Variants in OR5D18 observed in about 807,000 individuals in gnomAD.
OR5D18 encodes olfactory receptor 5D18.
For synonymous variants in OR5D18, 158 were observed against 152.5 expected, an observed-to-expected ratio of 1.04 and a Z score of -0.27; for missense variants, 394 against 367.3, an observed-to-expected ratio of 1.07 and a Z score of -0.59.
At position 55,819,880 on chromosome 11, in the gene OR5D18, T is replaced by A. The variant is rs1035988441; in HGVS notation, c.251T>A (p.Val84Glu). The change falls in exon 1 of 1, where the codon GTG becomes GAG. Residue 84 changes from valine to glutamate, a missense_variant. Val to Glu is a moderately radical substitution (Grantham distance 121, BLOSUM62 -2). Coordinates refer to ENST00000333976, the MANE Select transcript of OR5D18 (RefSeq NM_001001952.1). ...YSSIIAPKML[V>E]NLVVKDRTIS... ...TCCATCATTGCTCCCAAGATGTTGGTGAACCTTGTTGTCAAAGACAGAACC... is the reference window on the plus strand; with the variant it reads ...TCCATCATTGCTCCCAAGATGTTGGAGAACCTTGTTGTCAAAGACAGAACC... The A allele has an allele frequency of 6.2e-7, 1 of 1,614,024 alleles. No homozygotes were observed. The highest frequency in any genetic ancestry group is 8.5e-7 in the Non-Finnish European group (1 of 1,179,954).
rs369903589 is a variant in OR5D18, at chr11:55,820,390, G to C, written c.761G>C (p.Gly254Ala). 1.2e-6 allele frequency: 2 copies of C among 1,613,632 alleles called. No individual in the cohort carries two copies. The highest frequency in any genetic ancestry group is 4.5e-5 in the East Asian group (2 of 44,856). ...SHLTAITIFH[G>A]TILFLYCVPN... ...CTGACTGCCATCACCATCTTCCATG[G>C]CACCATCCTCTTCCTTTACTGTGTG... Residue 254 changes from glycine to alanine, a missense_variant, in exon 1 of 1, where the codon GGC (glycine) becomes GCC (alanine). By Grantham distance (60) the Gly-to-Ala change is moderately conservative. Transcript: ENST00000333976.
Position 55,819,830 on chromosome 11 carries a change from C to A in OR5D18, c.201C>A (p.Leu67=), listed in dbSNP as rs1412780648. 1 of 1,613,848 alleles carries A rather than the reference C, an allele frequency of 6.2e-7. No individual in the cohort carries two copies. The highest frequency in any genetic ancestry group is 8.5e-7 in the Non-Finnish European group (1 of 1,179,950). The change falls in exon 1 of 1, where the codon CTC becomes CTA. Residue 67 remains leucine (L), a synonymous_variant. Transcript: ENST00000333976. ...CCATGTACTTTTTCCTCAGCCAACT[C>A]TCCTTTGTGGATTTCTGCTATTCCT... ...HTPMYFFLSQ[L]SFVDFCYSSI... is the part of the protein sequence containing the mutation.
At position 55,819,808 on chromosome 11, in the gene OR5D18, T is replaced by G; in HGVS notation, c.179T>G (p.Met60Arg). The change falls in exon 1 of 1, where the codon ATG (methionine) becomes AGG (arginine). Residue 60 changes from methionine (M) to arginine (R), a missense_variant. Physicochemically the swap from Met to Arg is moderately conservative, Grantham distance 91. Transcript: ENST00000333976. ...ATCAACCCCAAACTGCATACCCCCA[T>G]GTACTTTTTCCTCAGCCAACTCTCC... The part of the protein sequence containing the change: ...IKINPKLHTP[M>R]YFFLSQLSFV... 2 of 1,613,976 alleles carry G rather than the reference T, an allele frequency of 1.2e-6. No homozygotes were observed. Among genetic ancestry groups the G allele is most frequent in the Non-Finnish European group, 1.7e-6 (2 of 1,179,976 alleles).
Position 55,819,883 on chromosome 11 carries a change from A to G in OR5D18, c.254A>G (p.Asn85Ser). Reference protein sequence around the residue: ...SSIIAPKMLVNLVVKDRTISF... With the variant: ...SSIIAPKMLVSLVVKDRTISF... ...ATCATTGCTCCCAAGATGTTGGTGA[A>G]CCTTGTTGTCAAAGACAGAACCATT... The change falls in exon 1 of 1, where the codon AAC (asparagine) becomes AGC (serine). Residue 85 changes from asparagine to serine, a missense_variant. By Grantham distance (46) the Asn-to-Ser change is conservative. Transcript: ENST00000333976. 1 of 1,614,020 alleles carries G rather than the reference A, an allele frequency of 6.2e-7. No individual in the cohort carries two copies.
In OR5D18 at chr11:55,820,557, G is replaced by T; in HGVS notation, c.928G>T (p.Val310Phe). The part of the protein sequence containing the change: ...DTVTEILDTK[V>F]FSY The stretch of plus-strand genomic sequence containing the variant: ...AGTCACCGAGATACTGGACACCAAA[G>T]TCTTCTCTTACTGAGCCTGTTACTT... The change falls in exon 1 of 1, where the codon GTC becomes TTC. Residue 310 changes from valine (V) to phenylalanine (F), a missense_variant. Val to Phe is a conservative substitution (Grantham distance 50). Coordinates refer to ENST00000333976, the MANE Select transcript of OR5D18 (RefSeq NM_001001952.1). 1.2e-6 allele frequency: 2 copies of T among 1,605,930 alleles called. No individual in the cohort carries two copies. Among genetic ancestry groups the T allele is most frequent in the Non-Finnish European group, 8.5e-7 (1 of 1,178,204 alleles).
At position 55,819,968 on chromosome 11, in the gene OR5D18, C is replaced by T. The variant is rs533831141; in HGVS notation, c.339C>T (p.Ser113=). 3 of 1,613,870 alleles carry T rather than the reference C, an allele frequency of 1.9e-6. No homozygotes were observed. The highest frequency in any genetic ancestry group is 2.5e-6 in the Non-Finnish European group (3 of 1,179,974). The change falls in exon 1 of 1, where the codon TCC becomes TCT. Residue 113 remains serine, a synonymous_variant. Coordinates refer to ENST00000333976, the MANE Select transcript of OR5D18 (RefSeq NM_001001952.1). ...TCTGTACCTTTGTGGTCACTGAATC[C>T]TTTTTATTAGCTGTGATGGCCTATG... The part of the protein sequence containing the change: ...FFFCTFVVTE[S]FLLAVMAYDR...
Position 55,820,131 on chromosome 11 carries a change from T to TG in OR5D18, c.503dup (p.Cys168TrpfsTer14). 1 of 1,613,904 alleles carries TG rather than the reference T, an allele frequency of 6.2e-7. No individual in the cohort carries two copies. The highest frequency in any genetic ancestry group is 8.5e-7 in the Non-Finnish European group (1 of 1,180,012). On this transcript the variant is annotated frameshift_variant, in exon 1 of 1. Coordinates refer to ENST00000333976, the MANE Select transcript of OR5D18 (RefSeq NM_001001952.1). LOFTEE classifies it low-confidence loss of function (END_TRUNC). The stretch of plus-strand genomic sequence containing the variant: ...ACTGACGTGCTCTGCTTTAAAGTTA[T>TG]GTTTTCATGGTTTCAACACAATCAA...
In OR5D18 at chr11:55,820,073, A is replaced by T. The variant is rs376534739; in HGVS notation, c.444A>T (p.Gly148=). 6.2e-7 allele frequency: 1 copy of T among 1,613,830 alleles called. No homozygotes were observed. Reference sequence around the variant, plus strand: ...AACTCTGCGTGCTGCTGGTTGTGGGATCCTATGCCTGGGGAGTCTCATGTT... The same window carrying T: ...AACTCTGCGTGCTGCTGGTTGTGGGTTCCTATGCCTGGGGAGTCTCATGTT... ...SQKLCVLLVV[G]SYAWGVSCSL... is the part of the protein sequence containing the mutation. Residue 148 remains glycine, a synonymous_variant, in exon 1 of 1, where the codon GGA becomes GGT. Coordinates refer to ENST00000333976, the MANE Select transcript of OR5D18 (RefSeq NM_001001952.1).
rs1853806768 is a variant in OR5D18 at position 55,819,790 on chromosome 11, C to T, written c.161C>T (p.Pro54Leu). Residue 54 changes from proline (P) to leucine (L), a missense_variant, in exon 1 of 1, where the codon CCC becomes CTC. Pro to Leu is a moderately conservative substitution (Grantham distance 98, BLOSUM62 -3). Coordinates refer to ENST00000333976, the MANE Select transcript of OR5D18 (RefSeq NM_001001952.1). ...TTGATTGTGATCATCAAAATCAACC[C>T]CAAACTGCATACCCCCATGTACTTT... ...IGLIVIIKIN[P>L]KLHTPMYFFL... 6.2e-7 allele frequency: 1 copy of T among 1,613,802 alleles called. No homozygotes were observed. The highest frequency in any genetic ancestry group is 1.7e-5 in the Admixed American group (1 of 59,996).
In OR5D18 at chr11:55,820,523, C is replaced by G; in HGVS notation, c.894C>G (p.Val298=). Residue 298 remains valine, a synonymous_variant, in exon 1 of 1, where the codon GTC becomes GTG. Transcript: ENST00000333976. ...PLIYSLRNKD[V]KDTVTEILDT... is the part of the protein sequence containing the mutation. ...TCTACAGTCTGAGAAATAAAGATGT[C>G]AAGGATACAGTCACCGAGATACTGG... The G allele has an allele frequency of 6.2e-7, 1 of 1,613,012 alleles. No homozygotes were observed.
rs297082 is a variant in OR5D18, at chr11:55,819,641, T to A, written c.12T>A (p.Thr4=). 1 allele frequency: 1,578,479 copies of A among 1,579,486 alleles called. 788,753 individuals are homozygous for A. The highest frequency in any genetic ancestry group is 1 in the East Asian group (44,462 of 44,462). MLL[T]DRNTSGTTFT... is the part of the protein sequence containing the mutation. ...AAGAAACAGAAGCGATGCTGCTGAC[T>A]GATAGAAATACAAGTGGGACCACGT... The change falls in exon 1 of 1, where the codon ACT becomes ACA. Residue 4 remains threonine (T), a synonymous_variant. Transcript: ENST00000333976.
rs1289890201 is a variant in OR5D18, at chr11:55,819,783, A to G, written c.154A>G (p.Ile52Val). 1 of 1,613,814 alleles carries G rather than the reference A, an allele frequency of 6.2e-7. No individual in the cohort carries two copies. The highest frequency in any genetic ancestry group is 1.3e-5 in the African/African-American group (1 of 74,708). The stretch of plus-strand genomic sequence containing the variant: ...TATTGGGTTGATTGTGATCATCAAA[A>G]TCAACCCCAAACTGCATACCCCCAT... ...GNIGLIVIIK[I>V]NPKLHTPMYF... The change falls in exon 1 of 1, where the codon ATC becomes GTC. Residue 52 changes from isoleucine (I) to valine (V), a missense_variant. By Grantham distance (29) the Ile-to-Val change is conservative. Coordinates refer to ENST00000333976, the MANE Select transcript of OR5D18 (RefSeq NM_001001952.1).
Position 55,819,736 on chromosome 11 carries a change from A to G in OR5D18, c.107A>G (p.Tyr36Cys), listed in dbSNP as rs7948629. The G allele has an allele frequency of 0.057, 91,511 of 1,613,536 alleles. 3,000 individuals carry two copies. The highest frequency in any genetic ancestry group is 0.064 in the Non-Finnish European group (75,769 of 1,179,644). The change falls in exon 1 of 1, where the codon TAC (tyrosine) becomes TGC (cysteine). Residue 36 changes from tyrosine (Y) to cysteine (C), a missense_variant. By Grantham distance (194) the Tyr-to-Cys change is radical. Transcript: ENST00000333976. ...VPLFLVFLAIYNVTVLGNIGL... is the reference protein window; with the variant it reads ...VPLFLVFLAICNVTVLGNIGL... The stretch of plus-strand genomic sequence containing the variant: ...CTCTTCCTGGTTTTTCTGGCCATCT[A>G]CAATGTCACTGTGCTAGGGAATATT...
In OR5D18 at chr11:55,820,342, C is replaced by A. The variant is rs1488994502; in HGVS notation, c.713C>A (p.Ala238Asp). 1 of 1,613,890 alleles carries A rather than the reference C, an allele frequency of 6.2e-7. No homozygotes were observed. Among genetic ancestry groups the A allele is most frequent in the Admixed American group, 1.7e-5 (1 of 60,014 alleles). The change falls in exon 1 of 1, where the codon GCC becomes GAC. Residue 238 changes from alanine to aspartate, a missense_variant. Physicochemically the swap from Ala to Asp is moderately radical, Grantham distance 126 (BLOSUM62 -2). Coordinates refer to ENST00000333976, the MANE Select transcript of OR5D18 (RefSeq NM_001001952.1). ...CGTTCAGTCAGTGGGCGCCGCAAAG[C>A]CTTCTCCACCTGTGCCTCCCACCTG... The part of the protein sequence containing the change: ...KMRSVSGRRK[A>D]FSTCASHLTA...
chr11:55,820,472 G>A lies in OR5D18; in HGVS notation c.843G>A (p.Val281=), dbSNP rs763100806. 52 of 1,613,478 alleles carry A rather than the reference G, an allele frequency of 3.2e-5. No individual in the cohort carries two copies. Among genetic ancestry groups the A allele is most frequent in the Admixed American group, 8.3e-5 (5 of 59,944 alleles). Reference sequence around the variant, plus strand: ...AAGTGGCCTCTGTGTTTTACACCGTGGTGATCCCCATGTTGAATCCCCTGA... The same window carrying A: ...AAGTGGCCTCTGTGTTTTACACCGTAGTGATCCCCATGTTGAATCCCCTGA... ...TVKVASVFYT[V]VIPMLNPLIY... The change falls in exon 1 of 1, where the codon GTG becomes GTA. Residue 281 remains valine, a synonymous_variant. Transcript: ENST00000333976.
chr11:55,820,304 C>T lies in OR5D18; in HGVS notation c.675C>T (p.Thr225=). 2 of 1,613,804 alleles carry T rather than the reference C, an allele frequency of 1.2e-6. No homozygotes were observed. The change falls in exon 1 of 1, where the codon ACC becomes ACT. Residue 225 remains threonine (T), a synonymous_variant. Coordinates refer to ENST00000333976, the MANE Select transcript of OR5D18 (RefSeq NM_001001952.1). The part of the protein sequence containing the change: ...VLTSYAFIVV[T]ILKMRSVSGR... Reference sequence around the variant, plus strand: ...CATCTTATGCGTTCATTGTTGTAACCATCCTCAAGATGCGTTCAGTCAGTG... The same window carrying T: ...CATCTTATGCGTTCATTGTTGTAACTATCCTCAAGATGCGTTCAGTCAGTG...
rs1466545423 is a variant in OR5D18, at chr11:55,820,546, T to C, written c.917T>C (p.Leu306Pro). 1.9e-6 allele frequency: 3 copies of C among 1,609,096 alleles called. No homozygotes were observed. Among genetic ancestry groups the C allele is most frequent in the Non-Finnish European group, 2.5e-6 (3 of 1,179,224 alleles). ...GTCAAGGATACAGTCACCGAGATACTGGACACCAAAGTCTTCTCTTACTGA... is the reference window on the plus strand; with the variant it reads ...GTCAAGGATACAGTCACCGAGATACCGGACACCAAAGTCTTCTCTTACTGA... ...KDVKDTVTEI[L>P]DTKVFSY The change falls in exon 1 of 1, where the codon CTG becomes CCG. Residue 306 changes from leucine to proline, a missense_variant. Transcript: ENST00000333976.
chr11:55,820,251 G>A lies in OR5D18; in HGVS notation c.622G>A (p.Glu208Lys), dbSNP rs866246897. The change falls in exon 1 of 1, where the codon GAA becomes AAA. Residue 208 changes from glutamate to lysine, a missense_variant. Coordinates refer to ENST00000333976, the MANE Select transcript of OR5D18 (RefSeq NM_001001952.1). ...GCTATTCTTTCTTGCCACCTTTAAT[G>A]AAATCAGCACACTACTCATCGTTCT... is the stretch of plus-strand genomic sequence containing the variant. Reference protein sequence around the residue: ...WLLFFLATFNEISTLLIVLTS... With the variant: ...WLLFFLATFNKISTLLIVLTS... 6.2e-7 allele frequency: 1 copy of A among 1,613,864 alleles called. No homozygotes were observed. The highest frequency in any genetic ancestry group is 2.2e-5 in the East Asian group (1 of 44,860).
At position 55,820,298 on chromosome 11, in the gene OR5D18, T is replaced by C. The variant is rs746922950; in HGVS notation, c.669T>C (p.Val223=). The C allele has an allele frequency of 6.2e-6, 10 of 1,613,914 alleles. No individual in the cohort carries two copies. The East Asian group carries it at 2.0e-4, about 32-fold the overall frequency. The change falls in exon 1 of 1, where the codon GTT becomes GTC. Residue 223 remains valine, a synonymous_variant. Coordinates refer to ENST00000333976, the MANE Select transcript of OR5D18 (RefSeq NM_001001952.1). The stretch of plus-strand genomic sequence containing the variant: ...TTCTCACATCTTATGCGTTCATTGT[T>C]GTAACCATCCTCAAGATGCGTTCAG... ...LIVLTSYAFI[V]VTILKMRSVS...
Sources: allele counts gnomAD v4.1 joint callset, GRCh38; gene constraint gnomAD v4.1.1; transcripts MANE v1.5; gene names NCBI Gene and HGNC (gene_info 2026-07-23, HGNC 2026-07-21).